BICD2: variants seen among roughly 807,000 people sequenced by gnomAD.
BICD2 encodes the protein protein bicaudal D homolog 2.
A neutral mutation model predicts 72.9 loss-of-function variants in BICD2; 25 were observed. That is an observed-to-expected ratio of 0.34 (90% CI 0.25 to 0.48). BICD2 has a LOEUF of 0.48. Among genes scored for constraint, BICD2 ranks in the 20% least tolerant of loss-of-function variants. The pLI, the probability that BICD2 is intolerant of heterozygous loss-of-function variation, is 0.99. For missense variants in BICD2, 894 were observed against 1,175.2 expected (o/e 0.76, Z 3.50); for synonymous variants, 501 against 516.1 (o/e 0.97, Z 0.40).
At chr9:92,721,529 T>C (rs1250077216) in intron 3 of BICD2, among the ~76,000 whole-genome samples, 1 of 152,208 alleles carries the variant, frequency 6.6e-6, no homozygotes, top group Non-Finnish European at 1.5e-5. Flanking sequence ...TCTGTAATAT[T>C]TGGAGAAAAA....
intron 1 of BICD2, among the ~76,000 whole-genome samples, chr9:92,762,460 G>C (rs1357708553): frequency 6.6e-6 from 1 of 152,058 alleles, no homozygotes; most frequent in Non-Finnish European, 1.5e-5. Context: ...CCTTACAAAG[G>C]AGAACTAGAT....
At chr9:92,726,106 G>C (rs1853563317) in intron 2 of BICD2, among the ~76,000 whole-genome samples, 1 of 152,194 alleles carries the variant, frequency 6.6e-6, no homozygotes, top group Non-Finnish European at 1.5e-5. Flanking sequence ...AGCGGTTAGA[G>C]TCAGGATCTG....
chr9:92,720,248 C>G lies in BICD2; in HGVS notation c.1062+52G>C. 2 of 1,525,152 alleles carry G rather than the reference C, an allele frequency of 1.3e-6. No homozygotes were observed. The highest frequency in any genetic ancestry group is 1.8e-6 in the Non-Finnish European group (2 of 1,129,174). 94.5% of individuals were successfully genotyped at this position (1,525,152 alleles called of 1,614,324 possible). ...GTCAGGTAAGCACTGCTCGGGGAGCCCTGCAGACCTGGAGTGGGGACAGCG... is the reference window on the plus strand; with the variant it reads ...GTCAGGTAAGCACTGCTCGGGGAGCGCTGCAGACCTGGAGTGGGGACAGCG... On this transcript the variant is annotated intron_variant, in intron 4 of 6. Transcript: ENST00000356884. The surrounding 1 kb of genome is among the most constrained non-coding windows in gnomAD (Gnocchi z 5.4).
intron 2 of BICD2, among the ~76,000 whole-genome samples, chr9:92,725,244 G>A (rs1853544405): frequency 6.6e-6 from 1 of 152,212 alleles, no homozygotes; most frequent in Non-Finnish European, 1.5e-5. Context: ...CAGGCAAGGT[G>A]TACTAGGAGT....
chr9:92,719,626 A>C, intron 4 of BICD2, 44 bp from the exon 5 acceptor site: 1 of 1,510,640 alleles, frequency 6.6e-7, no homozygotes, highest in Admixed American at 2.1e-5. Flanking sequence ...GTTGCTATGG[A>C]CCCCGAGAGC....
intron 2 of BICD2, among the ~76,000 whole-genome samples, chr9:92,725,842 C>T (rs539393562): frequency 1.4e-3 from 212 of 152,378 alleles, no homozygotes; most frequent in Non-Finnish European, 2.4e-3. Context: ...GCCCCTTCAC[C>T]CTACTCCTTC....
At chr9:92,715,488 A>G (rs1351885557) in intron 6 of BICD2, 25 bp from the exon 7 acceptor site, 1 of 1,556,046 alleles carries the variant, frequency 6.4e-7, no homozygotes, top group East Asian at 2.3e-5. Flanking sequence ...AACATGACTG[A>G]GGGGCGGGCA....
intron 2 of BICD2, among the ~76,000 whole-genome samples, chr9:92,727,493 G>A (rs550128547): frequency 1.3e-5 from 2 of 152,286 alleles, no homozygotes; most frequent in South Asian, 4.1e-4. Flanking sequence ...CTCAGTGAAA[G>A]GCAAAGCCAG....
At position 92,717,894 on chromosome 9, in the gene BICD2, T is replaced by C. The variant is rs1262410586; in HGVS notation, c.2161A>G (p.Met721Val). ...AGCTTCATCATGGTCTCGGTAACCA[T>C]GGCCTTCTCATTCTCATACTTGCTC... ...LKSKYENEKA[M>V]VTETMMKLRN... Residue 721 changes from methionine (M) to valine (V), a missense_variant, in exon 6 of 7, where the codon ATG becomes GTG. Coordinates refer to ENST00000356884, the MANE Select transcript of BICD2 (RefSeq NM_001003800.2). The C allele has an allele frequency of 4.3e-6, 7 of 1,613,566 alleles. No homozygotes were observed. The highest frequency in any genetic ancestry group is 5.9e-6 in the Non-Finnish European group (7 of 1,180,014).
At chr9:92,724,066 T>G (rs1587672575) in intron 2 of BICD2, among the ~76,000 whole-genome samples, 2 of 152,282 alleles carry the variant, frequency 1.3e-5, no homozygotes, top group South Asian at 4.1e-4. Context: ...CCCCTCCCTG[T>G]ACTCTGCTGA....
intron 6 of BICD2, among the ~76,000 whole-genome samples, chr9:92,717,239 C>A (rs1853334745): frequency 6.6e-6 from 1 of 152,250 alleles, no homozygotes. Flanking sequence ...CAAGCATCCC[C>A]TGAAGCTATG....
At chr9:92,748,384 G>A (rs1375124796) in intron 1 of BICD2, among the ~76,000 whole-genome samples, 1 of 152,166 alleles carries the variant, frequency 6.6e-6, no homozygotes, top group East Asian at 1.9e-4. Context: ...TCTTTCCCCT[G>A]GGATCATTCT....
In BICD2 at chr9:92,715,133, G is replaced by C; in HGVS notation, c.*21C>G. ...TGAGGTGAAGCAGATGTTAGCTGCA[G>C]CGTGCGGCGCCCCACAGCCCCTAAT... On this transcript the variant is annotated 3_prime_UTR_variant, in exon 7 of 7. Coordinates refer to ENST00000356884, the MANE Select transcript of BICD2 (RefSeq NM_001003800.2). The C allele has an allele frequency of 6.5e-7, 1 of 1,546,544 alleles. No individual in the cohort carries two copies. The highest frequency in any genetic ancestry group is 1.4e-5 in the African/African-American group (1 of 73,556).
rs747158081 is a variant in BICD2 at position 92,729,092 on chromosome 9, G to C, written c.385C>G (p.Arg129Gly). ...LELQTELKQL[R>G]NVLTNTQSEN... ...GACTGCGTGTTGGTGAGGACATTGC[G>C]CAACTGCTTCAGCTCCGTCTGCAGC... The change falls in exon 2 of 7, where the codon CGC becomes GGC. Residue 129 changes from arginine (R) to glycine (G), a missense_variant. This residue lies in a region of BICD2 where 192 missense variants were observed against 243.6 expected (regional missense o/e 0.79). Transcript: ENST00000356884. The C allele has an allele frequency of 1.4e-5, 22 of 1,614,122 alleles. No individual in the cohort carries two copies. The highest frequency in any genetic ancestry group is 2.2e-5 in the East Asian group (1 of 44,900).
At position 92,741,381 on chromosome 9, in the gene BICD2, T is replaced by C. The variant is rs80006582; in HGVS notation, c.241-12145A>G. On this transcript the variant is annotated intron_variant, in intron 1 of 6. Coordinates refer to ENST00000356884, the MANE Select transcript of BICD2 (RefSeq NM_001003800.2). ...AAACCAATTCAATTTTTAAAATCTA[T>C]ATTCAGCATCTGCTATGAAACAAGA... Among the ~76,000 whole-genome samples the C allele has an allele frequency of 5.7e-3, 863 of 152,348 alleles. 46 individuals are homozygous for C. The East Asian group carries it at 0.095, about 17-fold the overall frequency.
intron 6 of BICD2, among the ~76,000 whole-genome samples, chr9:92,716,479 T>C (rs1356820011): frequency 6.6e-6 from 1 of 152,192 alleles, no homozygotes; most frequent in African/African-American, 2.4e-5. Flanking sequence ...GCAGGGATAC[T>C]GAGAAACTGG....
rs1360316864 is a variant in BICD2 at position 92,729,163 on chromosome 9, T to C, written c.314A>G (p.Gln105Arg). The change falls in exon 2 of 7, where the codon CAG (glutamine) becomes CGG (arginine). Residue 105 changes from glutamine (Q) to arginine (R), a missense_variant. This residue lies in a region of BICD2 where 192 missense variants were observed against 243.6 expected (regional missense o/e 0.79). Coordinates refer to ENST00000356884, the MANE Select transcript of BICD2 (RefSeq NM_001003800.2). ...DGESREESLI[Q>R]ESASKEQYYV... ...GTACTGCTCCTTGGAGGCCGACTCCTGGATCAGGCTCTCCTCCCGGCTCTC... is the reference window on the plus strand; with the variant it reads ...GTACTGCTCCTTGGAGGCCGACTCCCGGATCAGGCTCTCCTCCCGGCTCTC... The C allele has an allele frequency of 1.2e-6, 2 of 1,614,246 alleles. No homozygotes were observed. Among genetic ancestry groups the C allele is most frequent in the Admixed American group, 1.7e-5 (1 of 60,026 alleles).
At position 92,730,740 on chromosome 9, in the gene BICD2, T is replaced by C. The variant is rs553702926; in HGVS notation, c.241-1504A>G. On this transcript the variant is annotated intron_variant, in intron 1 of 6. Coordinates refer to ENST00000356884, the MANE Select transcript of BICD2 (RefSeq NM_001003800.2). ...CAACACAGCCCAGCAGGAAGACTGG[T>C]GCTGGCAATGGGACTGCACGGGGGG... 4.6e-5 allele frequency among the ~76,000 whole-genome samples: 7 copies of C among 152,274 alleles called. No individual in the cohort carries two copies. The East Asian group carries it at 1.4e-3, about 29-fold the overall frequency.
chr9:92,723,445 G>A (rs72756497), intron 2 of BICD2, among the ~76,000 whole-genome samples: 6,037 of 152,342 alleles, frequency 0.04, 181 homozygotes, highest in South Asian at 0.11. Flanking sequence ...TCTGCTGAGT[G>A]AAAGAAGGCC....
Sources: allele counts gnomAD v4.1 joint callset (sites outside exome capture counted in the v4.1 genomes callset), GRCh38; gene constraint gnomAD v4.1.1; regional missense constraint gnomAD v4.1.1; non-coding constraint Gnocchi (gnomAD v3.1); transcripts MANE v1.5; gene names NCBI Gene and HGNC (gene_info 2026-07-23, HGNC 2026-07-21).